The following MGRN1 variants were observed in gnomAD, a reference collection of about 807,000 sequenced individuals.
The protein encoded by MGRN1 is mahogunin ring finger 1.
MGRN1 carries 29 observed loss-of-function variants against 69.2 expected under a neutral mutation model. The ratio of observed to expected loss-of-function variants is 0.42; its 90% CI spans 0.31 to 0.57. The LOEUF (loss-of-function observed/expected upper bound fraction) is 0.57, where lower values mean the gene tolerates loss of function less well. Among genes scored for constraint, MGRN1 ranks in the 20% least tolerant of loss-of-function variants. MGRN1 has a pLI of 0.15. For missense variants in MGRN1, 998 were observed against 796.2 expected (o/e 1.25, Z -3.05); for synonymous variants, 470 against 344.2 (o/e 1.37, Z -4.04).
chr16:4,686,277 G>A, intron 16 of MGRN1: 2 of 1,545,000 alleles, frequency 1.3e-6, no homozygotes, highest in Non-Finnish European at 8.7e-7. Flanking sequence ...CCCGACTCCT[G>A]CTCTGTTGGT....
intron 1 of MGRN1, among the ~76,000 whole-genome samples, chr16:4,635,737 C>T (rs924962582): frequency 2.0e-5 from 3 of 151,484 alleles, no homozygotes; most frequent in Admixed American, 1.3e-4. Flanking sequence ...CAGGTTTAAG[C>T]GACTCTCCCG....
chr16:4,671,676 A>G (rs565142276), intron 9 of MGRN1, among the ~76,000 whole-genome samples: 1 of 152,268 alleles, frequency 6.6e-6, no homozygotes, highest in Admixed American at 6.5e-5. Context: ...GTAAATTGCC[A>G]TCCAGGTTCC....
At chr16:4,656,510 A>G (rs924054867) in intron 4 of MGRN1, among the ~76,000 whole-genome samples, 4 of 152,252 alleles carry the variant, frequency 2.6e-5, no homozygotes, top group African/African-American at 9.6e-5. Flanking sequence ...GGCGGACAGC[A>G]GGCCTCTGGG....
chr16:4,665,275 G>A (rs2078776492), intron 7 of MGRN1, 124 bp downstream of exon 7: 5 of 952,880 alleles, frequency 5.2e-6, no homozygotes, highest in Non-Finnish European at 8.0e-6. Context: ...AAGGGCCCCG[G>A]GGCAGGTTGG....
Position 4,688,933 on chromosome 16 carries a change from G to T in MGRN1, c.*25G>T. The T allele has an allele frequency of 6.5e-7, 1 of 1,527,972 alleles. No individual in the cohort carries two copies. Among genetic ancestry groups the T allele is most frequent in the South Asian group, 1.2e-5 (1 of 83,106 alleles). 94.7% of individuals were successfully genotyped at this position (1,527,972 alleles called of 1,614,324 possible). A position where few individuals can be genotyped will look rare whatever the true frequency, so the allele number is the denominator to read the frequency against. On this transcript the variant is annotated 3_prime_UTR_variant, in exon 17 of 17. Transcript: ENST00000262370. ...AGAGCCTGGCCGAGCTGGCAGCATG[G>T]AGCCCTCGGCTCCCCAGACTTTGCC...
In MGRN1 at chr16:4,679,669, C is replaced by A. The variant is rs544294134; in HGVS notation, c.1066-363C>A. On this transcript the variant is annotated intron_variant, in intron 11 of 16. Transcript: ENST00000262370. ...TGGGGGACTTTGACCAGTGTGGCTT[C>A]AGGATCTCCACCCTGCACCCAGCCT... is the stretch of plus-strand genomic sequence containing the variant. Among the ~76,000 whole-genome samples the A allele has an allele frequency of 1.5e-4, 23 of 152,338 alleles. No homozygotes were observed. The South Asian group carries it at 4.6e-3, about 30-fold the overall frequency.
chr16:4,649,449 C>G (rs1302146127), intron 1 of MGRN1: 4 of 152,188 alleles, frequency 2.6e-5, no homozygotes. Context: ...CCTTACCTCT[C>G]CCCACTCCTG....
rs542881893 is a variant in MGRN1, at chr16:4,625,748, C to G, written c.88+700C>G. Among the ~76,000 whole-genome samples, 3 of 152,314 alleles carry G rather than the reference C, an allele frequency of 2.0e-5. No individual in the cohort carries two copies. In the South Asian group the frequency reaches 6.2e-4, roughly 32 times the overall value. On this transcript the variant is annotated intron_variant, in intron 1 of 16. Transcript: ENST00000262370. ...GTGGGGCTCCCACGTAGCTTTGTTC[C>G]CAGCTCTCTTTCTGCCTCTATTGAT...
At chr16:4,680,650 C>G (rs1232571866) in intron 12 of MGRN1, 2 of 154,234 alleles carry the variant, frequency 1.3e-5, no homozygotes, top group African/African-American at 4.8e-5. Context: ...CCGGAGCCAC[C>G]CGGACCGTGT....
intron 11 of MGRN1, among the ~76,000 whole-genome samples, chr16:4,678,741 C>T (rs868083354): frequency 1.3e-5 from 2 of 152,360 alleles, no homozygotes; most frequent in Middle Eastern, 3.4e-3. Context: ...TGGCTCTTAG[C>T]TGTGGCTGTT....
At chr16:4,648,413 G>A (rs1331418600) in intron 1 of MGRN1, among the ~76,000 whole-genome samples, 1 of 119,152 alleles carries the variant, frequency 8.4e-6, no homozygotes, top group Admixed American at 7.7e-5. Flanking sequence ...TCCTCCTCCC[G>A]GGGGCTCTTC....
intron 1 of MGRN1, among the ~76,000 whole-genome samples, chr16:4,626,151 G>C (rs1897667866): frequency 6.6e-6 from 1 of 152,246 alleles, no homozygotes; most frequent in Admixed American, 6.5e-5. Flanking sequence ...GGTGTGACTA[G>C]GTGAGGGCCT....
At position 4,683,883 on chromosome 16, in the gene MGRN1, C is replaced by T. The variant is rs774067260; in HGVS notation, c.1569C>T (p.Ser523=). 1.2e-6 allele frequency: 2 copies of T among 1,613,046 alleles called. No homozygotes were observed. The highest frequency in any genetic ancestry group is 1.7e-4 in the Middle Eastern group (1 of 6,060). Residue 523 remains serine, a synonymous_variant, in exon 16 of 17, where the codon AGC becomes AGT. Transcript: ENST00000262370. The part of the protein sequence containing the change: ...AASIENVLQD[S]SPEHCGRGPP... Reference sequence around the variant, plus strand: ...CCATTGAGAATGTCCTGCAGGACAGCAGCCCCGAGCACTGTGGCCGAGGCC... The same window carrying T: ...CCATTGAGAATGTCCTGCAGGACAGTAGCCCCGAGCACTGTGGCCGAGGCC...
At chr16:4,635,738 G>A (rs1386274600) in intron 1 of MGRN1, among the ~76,000 whole-genome samples, 3 of 151,076 alleles carry the variant, frequency 2.0e-5, no homozygotes, top group African/African-American at 4.9e-5. Context: ...AGGTTTAAGC[G>A]ACTCTCCCGC....
At chr16:4,654,301 A>G (rs146206212) in intron 4 of MGRN1, among the ~76,000 whole-genome samples, 1 of 152,340 alleles carries the variant, frequency 6.6e-6, no homozygotes, top group African/African-American at 2.4e-5. Context: ...AGGAAATGAC[A>G]AGGGTTTTAG....
rs565268111 is a variant in MGRN1 at position 4,668,671 on chromosome 16, T to C, written c.726+359T>C. Among the ~76,000 whole-genome samples the C allele has an allele frequency of 7.8e-5, 11 of 141,514 alleles. No homozygotes were observed. The South Asian group carries it at 2.3e-3, about 30-fold the overall frequency. The allele number at this position is 141,514 out of a possible 152,430, so 92.8% of individuals were successfully genotyped here. A position where few individuals can be genotyped will look rare whatever the true frequency, so the allele number is the denominator to read the frequency against. ...ACACTCATATACTCAGTCACACACA[T>C]ATACATAGACACACTCGTACACATA... On this transcript the variant is annotated intron_variant, in intron 8 of 16. Coordinates refer to ENST00000262370, the MANE Select transcript of MGRN1 (RefSeq NM_015246.4).
intron 5 of MGRN1, 139 bp from the exon 6 acceptor site, chr16:4,664,570 G>A (rs2078755422): frequency 3.7e-6 from 3 of 800,008 alleles, no homozygotes; most frequent in East Asian, 4.9e-5. Flanking sequence ...CGCCTTCCCT[G>A]CCATCTCGAG....
rs902270764 is a variant in MGRN1 at position 4,664,487 on chromosome 16, C to T, written c.562-222C>T. On this transcript the variant is annotated intron_variant, in intron 5 of 16. Transcript: ENST00000262370. The stretch of plus-strand genomic sequence containing the variant: ...TGTACTTTACTCAACGCTGTTGAAA[C>T]GTAGTTAAAATGGCAGATTTTGTGT... The T allele has an allele frequency of 1.2e-4, 69 of 590,928 alleles. No homozygotes were observed. In the Middle Eastern group the frequency reaches 1.4e-3, roughly 12 times the overall value. 36.6% of individuals were successfully genotyped at this position (590,928 alleles called of 1,614,324 possible).
Position 4,625,024 on chromosome 16 carries a change from G to T in MGRN1, c.64G>T (p.Ala22Ser), listed in dbSNP as rs1163670504. ...VEDIDIQANS[A>S]YRYPPKSGNY... The stretch of plus-strand genomic sequence containing the variant: ...GGACATCGACATCCAGGCGAACTCG[G>T]CCTATCGCTACCCTCCGAAGTCCGG... The change falls in exon 1 of 17, where the codon GCC becomes TCC. Residue 22 changes from alanine to serine, a missense_variant. Transcript: ENST00000262370. 2 of 1,555,510 alleles carry T rather than the reference G, an allele frequency of 1.3e-6. No individual in the cohort carries two copies. Among genetic ancestry groups the T allele is most frequent in the African/African-American group, 1.4e-5 (1 of 70,282 alleles).
Sources: gnomAD v4.1 joint callset for allele counts (sites outside exome capture counted in the v4.1 genomes callset) on GRCh38, gnomAD v4.1.1 for gene constraint, MANE v1.5 for transcripts, NCBI Gene and HGNC (gene_info 2026-07-23, HGNC 2026-07-21) for gene names.